ST6GALNAC3: variants seen among roughly 807,000 people sequenced by gnomAD.
ST6GALNAC3 encodes alpha-N-acetylgalactosaminide alpha-2,6-sialyltransferase 3.
ST6GALNAC3 carries 25 observed loss-of-function variants against 32.7 expected under a neutral mutation model. The observed-to-expected ratio is 0.76, with a 90% confidence interval of 0.56 to 1.07. The LOEUF (loss-of-function observed/expected upper bound fraction) is 1.07. ST6GALNAC3 is among the 50% of genes least tolerant of loss of function. ST6GALNAC3 has a pLI of 0.00. For synonymous variants in ST6GALNAC3, 129 were observed against 133.1 expected (o/e 0.97, Z 0.21); for missense variants, 355 against 382.4 (o/e 0.93, Z 0.60).
intron 1 of ST6GALNAC3, among the ~76,000 whole-genome samples, chr1:76,134,022 T>G (rs1649780026): frequency 6.6e-6 from 1 of 152,118 alleles, no homozygotes; most frequent in Admixed American, 6.5e-5. Context: ...CATTGACACA[T>G]GTTTAAGCAG....
At chr1:76,601,075 G>A (rs986084455) in intron 3 of ST6GALNAC3, among the ~76,000 whole-genome samples, 6 of 152,072 alleles carry the variant, frequency 3.9e-5, no homozygotes, top group Non-Finnish European at 7.4e-5. Flanking sequence ...GTGCTTGCCT[G>A]TAGTCCCAGA....
intron 2 of ST6GALNAC3, among the ~76,000 whole-genome samples, chr1:76,322,753 AC>A (rs1157550936): frequency 1.9e-5 from 2 of 106,564 alleles, no homozygotes; most frequent in East Asian, 2.8e-4. Context: ...ACTGCCCCCC[AC>A]CCCCCCACAA....
At chr1:76,608,526 T>C (rs907679771) in intron 3 of ST6GALNAC3, among the ~76,000 whole-genome samples, 2 of 151,850 alleles carry the variant, frequency 1.3e-5, no homozygotes, top group African/African-American at 4.8e-5. Flanking sequence ...ATACTTGATA[T>C]AGGATCGTCA....
At chr1:76,356,434 T>TAA (rs3079481) in intron 2 of ST6GALNAC3, among the ~76,000 whole-genome samples, 54,316 of 120,318 alleles carry the variant, frequency 0.45, 13,850 homozygotes, top group East Asian at 0.75. Context: ...ACAGTAGGGT[T>TAA]AAAAAAAAAA....
At chr1:76,279,457 A>G (rs1570672772) in intron 1 of ST6GALNAC3, among the ~76,000 whole-genome samples, 2 of 152,192 alleles carry the variant, frequency 1.3e-5, no homozygotes, top group South Asian at 4.1e-4. Context: ...TTATCAATCA[A>G]CCTGTGCTAG....
intron 2 of ST6GALNAC3, among the ~76,000 whole-genome samples, chr1:76,398,155 C>A (rs1285042485): frequency 1.5e-5 from 2 of 130,504 alleles, no homozygotes; most frequent in African/African-American, 5.2e-5. Context: ...TAATTGATTT[C>A]CTACAAAAAA....
intron 3 of ST6GALNAC3, among the ~76,000 whole-genome samples, chr1:76,436,467 G>A (rs975024267): frequency 4.6e-5 from 7 of 152,088 alleles, no homozygotes; most frequent in Non-Finnish European, 8.8e-5. Flanking sequence ...TGAGTGCTGT[G>A]TAACACTTAA....
intron 2 of ST6GALNAC3, among the ~76,000 whole-genome samples, chr1:76,319,017 T>G (rs1646919453): frequency 6.6e-6 from 1 of 152,170 alleles, no homozygotes; most frequent in Middle Eastern, 3.2e-3. Flanking sequence ...GTGAAGACAT[T>G]GCTCAGAGCA....
intron 1 of ST6GALNAC3, among the ~76,000 whole-genome samples, chr1:76,250,265 A>T (rs1657534416): frequency 6.6e-6 from 1 of 152,220 alleles, no homozygotes; most frequent in Non-Finnish European, 1.5e-5. Flanking sequence ...GTCAGGCTTC[A>T]ATGGCTTCCA....
At chr1:76,397,789 A>ATTGTT (rs1002139941) in intron 2 of ST6GALNAC3, among the ~76,000 whole-genome samples, 8 of 151,284 alleles carry the variant, frequency 5.3e-5, no homozygotes, top group African/African-American at 1.2e-4. Context: ...TGTTTTTTGT[A>ATTGTT]TTGTTTTGTT....
intron 3 of ST6GALNAC3, among the ~76,000 whole-genome samples, chr1:76,518,743 G>A (rs1662325362): frequency 6.6e-6 from 1 of 151,956 alleles, no homozygotes; most frequent in African/African-American, 2.4e-5. Flanking sequence ...CATTTTCTTA[G>A]GAATTATTTC....
At chr1:76,544,181 A>G (rs1664157227) in intron 3 of ST6GALNAC3, among the ~76,000 whole-genome samples, 1 of 152,016 alleles carries the variant, frequency 6.6e-6, no homozygotes, top group African/African-American at 2.4e-5. Flanking sequence ...TTAATTTTAT[A>G]TGGAAAGAGA....
intron 3 of ST6GALNAC3, among the ~76,000 whole-genome samples, chr1:76,548,457 C>T (rs1023799004): frequency 1.3e-5 from 2 of 152,138 alleles, no homozygotes; most frequent in East Asian, 1.9e-4. Flanking sequence ...ATACCATTGG[C>T]TTCCATCTTT....
At chr1:76,499,410 A>G (rs568412292) in intron 3 of ST6GALNAC3, among the ~76,000 whole-genome samples, 1 of 152,286 alleles carries the variant, frequency 6.6e-6, no homozygotes, top group African/African-American at 2.4e-5. Flanking sequence ...CAGAGTCCAA[A>G]TCATGCAAAT....
intron 1 of ST6GALNAC3, among the ~76,000 whole-genome samples, chr1:76,106,691 T>G (rs555384139): frequency 1.3e-5 from 2 of 152,290 alleles, no homozygotes; most frequent in South Asian, 4.1e-4. Flanking sequence ...ATCCATAATC[T>G]AAACATGAGG....
At chr1:76,418,965 A>C (rs1654842551) in intron 3 of ST6GALNAC3, among the ~76,000 whole-genome samples, 1 of 152,026 alleles carries the variant, frequency 6.6e-6, no homozygotes, top group Non-Finnish European at 1.5e-5. Context: ...CTATTTTAAT[A>C]ATGGGAGGTA....
At chr1:76,523,115 T>C (rs1454045703) in intron 3 of ST6GALNAC3, among the ~76,000 whole-genome samples, 1 of 152,136 alleles carries the variant, frequency 6.6e-6, no homozygotes, top group Admixed American at 6.6e-5. Context: ...CCTCAAATGT[T>C]TAACCTTGAG....
chr1:76,582,697 C>T (rs1010901631), intron 3 of ST6GALNAC3, among the ~76,000 whole-genome samples: 9 of 152,104 alleles, frequency 5.9e-5, no homozygotes, highest in African/African-American at 7.2e-5. Context: ...TTTTCTCAAG[C>T]GGAACAAAAA....
chr1:76,618,730 G>A (rs1324862652), intron 3 of ST6GALNAC3, among the ~76,000 whole-genome samples: 1 of 152,122 alleles, frequency 6.6e-6, no homozygotes, highest in East Asian at 1.9e-4. Flanking sequence ...TACCTTGGAT[G>A]CGTTGTTCTC....
Sources: allele counts gnomAD v4.1 joint callset (sites outside exome capture counted in the v4.1 genomes callset), GRCh38; gene constraint gnomAD v4.1.1; transcripts MANE v1.5; gene names NCBI Gene and HGNC (gene_info 2026-07-23, HGNC 2026-07-21).